GALNT7: variants seen among roughly 807,000 people sequenced by gnomAD.
GALNT7 encodes the protein N-acetylgalactosaminyltransferase 7.
Under a neutral mutation model 82.1 loss-of-function variants are expected in GALNT7, and 60 were observed. The ratio of observed to expected loss-of-function variants is 0.73; its 90% CI spans 0.59 to 0.91. GALNT7 has a LOEUF of 0.91. Ranked by LOEUF, GALNT7 falls within the 40% of genes least tolerant of loss-of-function variation. GALNT7 has a pLI of 0.00. For missense variants in GALNT7, 660 were observed against 804.2 expected (o/e 0.82, Z 2.17); for synonymous variants, 243 against 275.1 (o/e 0.88, Z 1.15).
At chr4:173,261,122 A>G (rs1735240640) in intron 2 of GALNT7, among the ~76,000 whole-genome samples, 1 of 152,198 alleles carries the variant, frequency 6.6e-6, no homozygotes, top group African/African-American at 2.4e-5. Flanking sequence ...TTATTCATAT[A>G]ATTTGCAATC....
At chr4:173,211,688 T>C (rs772925802) in intron 1 of GALNT7, among the ~76,000 whole-genome samples, 8 of 152,252 alleles carry the variant, frequency 5.3e-5, no homozygotes, top group African/African-American at 1.4e-4. Context: ...ACACATTGTC[T>C]AAATAGTCTT....
intron 1 of GALNT7, among the ~76,000 whole-genome samples, chr4:173,190,147 T>C (rs988200547): frequency 9.2e-5 from 14 of 152,308 alleles, no homozygotes; most frequent in Admixed American, 2.0e-4. Context: ...TCTTTTATGG[T>C]ACTGTTAGGG....
chr4:173,276,667 A>G (rs1339978694), intron 2 of GALNT7, among the ~76,000 whole-genome samples: 2 of 152,192 alleles, frequency 1.3e-5, no homozygotes, highest in African/African-American at 4.8e-5. Flanking sequence ...TAGTCTGTTC[A>G]GCACACCCTA....
intron 1 of GALNT7, among the ~76,000 whole-genome samples, chr4:173,171,170 TA>T (rs1731855840): frequency 6.6e-6 from 1 of 152,218 alleles, no homozygotes; most frequent in South Asian, 2.1e-4. Flanking sequence ...TTATAAATAA[TA>T]AGAGCATAAA....
At chr4:173,190,522 A>G (rs1004042436) in intron 1 of GALNT7, among the ~76,000 whole-genome samples, 2 of 152,198 alleles carry the variant, frequency 1.3e-5, no homozygotes, top group African/African-American at 4.8e-5. Context: ...CTTGCCTAGC[A>G]CAGTTAGCAT....
intron 1 of GALNT7, among the ~76,000 whole-genome samples, chr4:173,237,620 G>A (rs1734278219): frequency 6.6e-6 from 1 of 152,062 alleles, no homozygotes; most frequent in Admixed American, 6.5e-5. Flanking sequence ...TCATTATATG[G>A]TTTCACTGGG....
At chr4:173,307,992 G>C (rs1033191187) in intron 8 of GALNT7, among the ~76,000 whole-genome samples, 3 of 152,204 alleles carry the variant, frequency 2.0e-5, no homozygotes, top group Non-Finnish European at 4.4e-5. Flanking sequence ...CAGGCCTCTG[G>C]AAACTATGGT....
At chr4:173,176,595 T>C (rs1437257795) in intron 1 of GALNT7, among the ~76,000 whole-genome samples, 1 of 152,168 alleles carries the variant, frequency 6.6e-6, no homozygotes, top group Non-Finnish European at 1.5e-5. Flanking sequence ...AGACAAAAAC[T>C]GTATTAGTTA....
chr4:173,230,088 C>T (rs1484590663), intron 1 of GALNT7, among the ~76,000 whole-genome samples: 1 of 152,136 alleles, frequency 6.6e-6, no homozygotes, highest in African/African-American at 2.4e-5. Flanking sequence ...GACTTAGGGT[C>T]ATCAGAAGAG....
intron 1 of GALNT7, among the ~76,000 whole-genome samples, chr4:173,173,804 A>G (rs1731954317): frequency 6.6e-6 from 1 of 152,190 alleles, no homozygotes; most frequent in Non-Finnish European, 1.5e-5. Flanking sequence ...ATATAATAGG[A>G]CTAATTCAGG....
intron 1 of GALNT7, among the ~76,000 whole-genome samples, chr4:173,183,547 C>A (rs1732343430): frequency 6.6e-6 from 1 of 152,082 alleles, no homozygotes; most frequent in South Asian, 2.1e-4. Flanking sequence ...CCTATGTCTA[C>A]TTCTTTCTAC....
At chr4:173,206,718 T>C (rs1219482747) in intron 1 of GALNT7, among the ~76,000 whole-genome samples, 1 of 152,190 alleles carries the variant, frequency 6.6e-6, no homozygotes, top group Non-Finnish European at 1.5e-5. Context: ...GAGGGAGAAC[T>C]GTCCTTGAGT....
At chr4:173,296,219 T>A (rs1736711855) in intron 5 of GALNT7, among the ~76,000 whole-genome samples, 1 of 152,212 alleles carries the variant, frequency 6.6e-6, no homozygotes, top group African/African-American at 2.4e-5. Flanking sequence ...TTTGTGCCTT[T>A]TAAATTAGTA....
intron 2 of GALNT7, among the ~76,000 whole-genome samples, chr4:173,260,329 T>C (rs1735215220): frequency 6.6e-6 from 1 of 152,240 alleles, no homozygotes; most frequent in South Asian, 2.1e-4. Flanking sequence ...CTGAGGCTTA[T>C]AACCCAGAAG....
At chr4:173,260,670 T>C (rs1407323614) in intron 2 of GALNT7, among the ~76,000 whole-genome samples, 1 of 152,198 alleles carries the variant, frequency 6.6e-6, no homozygotes, top group Non-Finnish European at 1.5e-5. Context: ...TGTTGGCAAG[T>C]AGAAATGAGC....
rs938637264 is a variant in GALNT7, at chr4:173,248,025, G to A, written c.172G>A (p.Gly58Arg). 8 of 1,613,508 alleles carry A rather than the reference G, an allele frequency of 5.0e-6. No homozygotes were observed. The African/African-American group carries it at 9.3e-5, about 19-fold the overall frequency. The change falls in exon 2 of 12, where the codon GGA becomes AGA. Residue 58 changes from glycine (G) to arginine (R), a missense_variant. By Grantham distance (125) the Gly-to-Arg change is moderately radical (BLOSUM62 -2). Coordinates refer to ENST00000265000, the MANE Select transcript of GALNT7 (RefSeq NM_017423.3). ...NDPMPNRGGNGLAPGEDRFKP... is the reference protein window; with the variant it reads ...NDPMPNRGGNRLAPGEDRFKP... Reference sequence around the variant, plus strand: ...CCCCATGCCCAACCGAGGCGGCAATGGACTAGCTCCTGGGGAGGACAGATT... The same window carrying A: ...CCCCATGCCCAACCGAGGCGGCAATAGACTAGCTCCTGGGGAGGACAGATT...
chr4:173,240,241 C>A (rs1411844350), intron 1 of GALNT7, among the ~76,000 whole-genome samples: 1 of 152,128 alleles, frequency 6.6e-6, no homozygotes, highest in African/African-American at 2.4e-5. Context: ...GAAGAGGTGC[C>A]TCCCCACCAG....
At chr4:173,169,956 G>A (rs574770494) in intron 1 of GALNT7, among the ~76,000 whole-genome samples, 1 of 152,200 alleles carries the variant, frequency 6.6e-6, no homozygotes, top group South Asian at 2.1e-4. Flanking sequence ...TTTGTCTGCC[G>A]CCCAGGGCGC....
intron 1 of GALNT7, among the ~76,000 whole-genome samples, chr4:173,230,317 T>G (rs972524836): frequency 1.3e-5 from 2 of 152,116 alleles, no homozygotes; most frequent in Non-Finnish European, 2.9e-5. Context: ...AGTTAATGGG[T>G]AGAGTTGCTT....
Sources: allele counts gnomAD v4.1 joint callset (sites outside exome capture counted in the v4.1 genomes callset), GRCh38; gene constraint gnomAD v4.1.1; transcripts MANE v1.5; gene names NCBI Gene and HGNC (gene_info 2026-07-23, HGNC 2026-07-21).